The following BRINP3 variants were observed in gnomAD, a reference collection of about 807,000 sequenced individuals.
BRINP3 encodes the protein BMP/retinoic acid-inducible neural-specific protein 3.
In BRINP3, 19 loss-of-function variants were observed where a neutral mutation model predicts 71.0. The observed-to-expected ratio is 0.27, with a 90% CI of 0.19 to 0.39. The LOEUF is 0.39. Among genes scored for constraint, BRINP3 ranks in the 10% least tolerant of loss-of-function variants. BRINP3 has a pLI of 1.00. For missense variants in BRINP3, 959 were observed against 940.8 expected (o/e 1.02, Z -0.25); for synonymous variants, 380 against 337.7 (o/e 1.13, Z -1.37).
At chr1:190,377,010 T>C (rs928166738) in intron 2 of BRINP3, among the ~76,000 whole-genome samples, 1 of 152,056 alleles carries the variant, frequency 6.6e-6, no homozygotes, top group Non-Finnish European at 1.5e-5. Context: ...ATGTTGGTAC[T>C]GAATGCATGA....
chr1:190,229,229 G>A (rs1482333151), intron 5 of BRINP3, among the ~76,000 whole-genome samples: 1 of 151,962 alleles, frequency 6.6e-6, no homozygotes, highest in African/African-American at 2.4e-5. Context: ...GTCGTGGGAG[G>A]GACCCAGTGG....
intron 2 of BRINP3, among the ~76,000 whole-genome samples, chr1:190,356,337 T>C (rs932021027): frequency 4.0e-5 from 6 of 151,228 alleles, no homozygotes; most frequent in African/African-American, 1.5e-4. Flanking sequence ...AATAGTGTCA[T>C]TTTTTTCCTA....
In BRINP3 at chr1:190,297,262, A is replaced by G. The variant is rs565948554; in HGVS notation, c.237-15512T>C. Among the ~76,000 whole-genome samples, 4 of 152,266 alleles carry G rather than the reference A, an allele frequency of 2.6e-5. No homozygotes were observed. In the East Asian group the frequency reaches 7.7e-4, roughly 29 times the overall value. ...ATATATGGTTATCTAATTTTTGACA[A>G]TGGTGTGAAGAACACACAATCAGGA... On this transcript the variant is annotated intron_variant, in intron 2 of 7. Coordinates refer to ENST00000367462, the MANE Select transcript of BRINP3 (RefSeq NM_199051.3).
intron 7 of BRINP3, among the ~76,000 whole-genome samples, chr1:190,150,305 T>C (rs1248490781): frequency 1.3e-5 from 2 of 152,068 alleles, no homozygotes; most frequent in Non-Finnish European, 2.9e-5. Flanking sequence ...CATAGATACA[T>C]ATACATGTTA....
Sources: allele counts gnomAD v4.1 joint callset (sites outside exome capture counted in the v4.1 genomes callset), GRCh38; gene constraint gnomAD v4.1.1; transcripts MANE v1.5; gene names NCBI Gene and HGNC (gene_info 2026-07-23, HGNC 2026-07-21).